TIAM1: variants seen among roughly 807,000 people sequenced by gnomAD.
TIAM1 encodes the protein rho guanine nucleotide exchange factor TIAM1.
A neutral mutation model predicts 163.5 loss-of-function variants in TIAM1; 65 were observed. The ratio of observed to expected loss-of-function variants is 0.40; its 90% CI spans 0.33 to 0.49. TIAM1 has a LOEUF of 0.49. Ranked by LOEUF, TIAM1 falls within the 20% of genes least tolerant of loss-of-function variation. The probability of loss-of-function intolerance (pLI) is 0.77; values close to 1 mark genes in which losing one functional copy is unlikely to be tolerated. For synonymous variants in TIAM1, 833 were observed against 810.1 expected (o/e 1.03, Z -0.48); for missense variants, 1,789 against 2,044.7 (o/e 0.87, Z 2.41).
At chr21:31,341,201 A>C (rs2076006897) in intron 1 of TIAM1, among the ~76,000 whole-genome samples, 2 of 152,224 alleles carry the variant, frequency 1.3e-5, no homozygotes, top group Non-Finnish European at 2.9e-5. Context: ...GAATATTCAT[A>C]ATGAAATCTC....
At chr21:31,339,591 AT>A (rs1305292518) in intron 1 of TIAM1, among the ~76,000 whole-genome samples, 169 bp from the exon 2 acceptor site, 1 of 152,328 alleles carries the variant, frequency 6.6e-6, no homozygotes, top group East Asian at 1.9e-4. Flanking sequence ...AGCAGTTCGT[AT>A]TTTAATAAAG....
intron 3 of TIAM1, 50 bp from the exon 4 acceptor site, chr21:31,267,033 G>A: frequency 1.3e-6 from 2 of 1,522,366 alleles, no homozygotes; most frequent in Non-Finnish European, 8.8e-7. Context: ...ATTAGTACAG[G>A]TATAGGCATC....
chr21:31,131,006 A>C (rs969877943), intron 23 of TIAM1, 58 bp from the exon 24 acceptor site: 1 of 1,454,468 alleles, frequency 6.9e-7, no homozygotes, highest in African/African-American at 1.4e-5. Context: ...TTTCCCCTTG[A>C]CATCACCAAC....
intron 1 of TIAM1, among the ~76,000 whole-genome samples, chr21:31,481,374 A>C (rs2046103877): frequency 6.6e-6 from 1 of 152,064 alleles, no homozygotes; most frequent in Non-Finnish European, 1.5e-5. Context: ...GTTTTTCCTC[A>C]CACCAACCAA....
At chr21:31,304,719 C>A (rs997340774) in intron 2 of TIAM1, among the ~76,000 whole-genome samples, 1 of 152,126 alleles carries the variant, frequency 6.6e-6, no homozygotes, top group African/African-American at 2.4e-5. Context: ...CTCACTCTAT[C>A]GCCCAGGCTG....
chr21:31,558,986 C>T (rs1360508144), upstream of TIAM1: 2 of 151,744 alleles, frequency 1.3e-5, no homozygotes, highest in Non-Finnish European at 2.9e-5. Context: ...GCAGCCGTGC[C>T]CCTGGGGCTG....
intron 2 of TIAM1, among the ~76,000 whole-genome samples, chr21:31,435,577 AG>A (rs1371494273): frequency 1.3e-5 from 2 of 152,342 alleles, no homozygotes; most frequent in East Asian, 3.9e-4. Context: ...GAAACTAAGT[AG>A]GCAGCTCCCA....
At chr21:31,433,623 C>G (rs776041763) in intron 2 of TIAM1, among the ~76,000 whole-genome samples, 2 of 152,116 alleles carry the variant, frequency 1.3e-5, no homozygotes, top group Non-Finnish European at 2.9e-5. Flanking sequence ...GGATTGATCC[C>G]TTGGAGGCTG....
intron 6 of TIAM1, among the ~76,000 whole-genome samples, chr21:31,243,565 C>T (rs1190143719): frequency 6.6e-6 from 1 of 152,034 alleles, no homozygotes; most frequent in East Asian, 1.9e-4. Flanking sequence ...ATCCAAAAGA[C>T]ACTACCCCAT....
At chr21:31,334,695 T>C (rs2075785391) in intron 2 of TIAM1, among the ~76,000 whole-genome samples, 1 of 152,088 alleles carries the variant, frequency 6.6e-6, no homozygotes, top group Non-Finnish European at 1.5e-5. Context: ...CCCATCCCCA[T>C]AAGCAAACCG....
chr21:31,148,153 C>T (rs1024605242), intron 19 of TIAM1, among the ~76,000 whole-genome samples: 2 of 151,994 alleles, frequency 1.3e-5, no homozygotes, highest in Non-Finnish European at 2.9e-5. Context: ...AGGGTGTCAG[C>T]AGGAGTACCC....
Position 31,283,401 on chromosome 21 carries a change from G to A in TIAM1, c.-188-6493C>T, listed in dbSNP as rs58009487. 1.3e-3 allele frequency among the ~76,000 whole-genome samples: 198 copies of A among 152,280 alleles called. 2 individuals are homozygous for A. Among genetic ancestry groups the A allele is most frequent in the African/African-American group, 4.7e-3 (195 of 41,552 alleles). ...ATTCATACAGCCTGACTCTAGGAAT[G>A]GTTCAAATGAGGCCCCAGCTCGCTG... is the stretch of plus-strand genomic sequence containing the variant. On this transcript the variant is annotated intron_variant, in intron 2 of 27. Transcript: ENST00000541036.
chr21:31,173,682 A>G (rs942388249), intron 15 of TIAM1, among the ~76,000 whole-genome samples: 1 of 152,216 alleles, frequency 6.6e-6, no homozygotes, highest in African/African-American at 2.4e-5. Flanking sequence ...ATTCCATTAA[A>G]ACTGTAGATT....
chr21:31,544,453 A>G (rs2048421893), intron 1 of TIAM1, among the ~76,000 whole-genome samples: 1 of 148,550 alleles, frequency 6.7e-6, no homozygotes, highest in Non-Finnish European at 1.5e-5. Flanking sequence ...ACATGGTGAA[A>G]CCCCACCCCT....
At chr21:31,139,576 C>T (rs2082753987) in intron 22 of TIAM1, among the ~76,000 whole-genome samples, 1 of 151,996 alleles carries the variant, frequency 6.6e-6, no homozygotes, top group Non-Finnish European at 1.5e-5. Context: ...TTTCTTCTTG[C>T]CTTTTTCTGT....
chr21:31,495,148 A>C (rs2046598419), intron 1 of TIAM1, among the ~76,000 whole-genome samples: 1 of 152,226 alleles, frequency 6.6e-6, no homozygotes, highest in Admixed American at 6.5e-5. Flanking sequence ...GAGAATTATA[A>C]AGCAAATGGG....
chr21:31,213,866 C>CCAAAAA (rs71318260), intron 9 of TIAM1, among the ~76,000 whole-genome samples: 6 of 54,876 alleles, frequency 1.1e-4, no homozygotes, highest in African/African-American at 3.1e-4. Flanking sequence ...CTCATCTCTA[C>CCAAAAA]AAAAAAAAAA....
intron 3 of TIAM1, among the ~76,000 whole-genome samples, chr21:31,274,837 G>A (rs1017854715): frequency 5.9e-5 from 9 of 152,082 alleles, no homozygotes; most frequent in East Asian, 3.9e-4. Flanking sequence ...GGCTGGGGGC[G>A]GTGGCTCACA....
chr21:31,271,126 A>G (rs1311583511), intron 3 of TIAM1, among the ~76,000 whole-genome samples: 1 of 151,956 alleles, frequency 6.6e-6, no homozygotes, highest in African/African-American at 2.4e-5. Context: ...TTCCCACTAG[A>G]GCCTAAGCTT....
Sources: gnomAD v4.1 joint callset for allele counts (sites outside exome capture counted in the v4.1 genomes callset) on GRCh38, gnomAD v4.1.1 for gene constraint, MANE v1.5 for transcripts, NCBI Gene and HGNC (gene_info 2026-07-23, HGNC 2026-07-21) for gene names.